Variants in MROH9 observed in about 807,000 individuals in gnomAD.
MROH9 encodes maestro heat-like repeat-containing protein family member 9.
Under a neutral mutation model 98.2 loss-of-function variants are expected in MROH9, and 92 were observed. The ratio of observed to expected loss-of-function variants is 0.94; its 90% CI spans 0.79 to 1.11. The LOEUF is 1.11. MROH9 is among the 50% of genes most tolerant of loss of function. The pLI, the probability that MROH9 is intolerant of heterozygous loss-of-function variation, is 0.00. For synonymous variants in MROH9, 397 were observed against 368.9 expected, an observed-to-expected ratio of 1.08 and a Z score of -0.87; for missense variants, 1,057 against 1,014.8, an observed-to-expected ratio of 1.04 and a Z score of -0.57.
chr1:171,012,062 A>G (rs1029744396), intron 15 of MROH9, among the ~76,000 whole-genome samples: 2 of 151,936 alleles, frequency 1.3e-5, no homozygotes, highest in African/African-American at 2.4e-5. Flanking sequence ...ACTTCCAACT[A>G]TAGTGTAAAT....
chr1:170,938,334 C>T (rs1648981731), intron 1 of MROH9, among the ~76,000 whole-genome samples: 1 of 152,164 alleles, frequency 6.6e-6, no homozygotes. Context: ...GTGAGTGGTG[C>T]AACTCTATTT....
chr1:170,987,491 C>T (rs1651187006), intron 10 of MROH9, among the ~76,000 whole-genome samples: 1 of 152,178 alleles, frequency 6.6e-6, no homozygotes, highest in African/African-American at 2.4e-5. Context: ...CTTTCCTCCA[C>T]AGTCTCTCTC....
At chr1:170,981,246 A>T (rs1255403600) in intron 8 of MROH9, among the ~76,000 whole-genome samples, 3 of 152,174 alleles carry the variant, frequency 2.0e-5, no homozygotes, top group Admixed American at 6.5e-5. Flanking sequence ...TTTAACCAGC[A>T]ATCCCATTGC....
At chr1:170,936,676 C>T (rs1251026909) in intron 1 of MROH9, among the ~76,000 whole-genome samples, 1 of 152,098 alleles carries the variant, frequency 6.6e-6, no homozygotes, top group Non-Finnish European at 1.5e-5. Flanking sequence ...TAGTTAATCT[C>T]CAAATAAAGT....
At chr1:170,988,808 A>G (rs1412975921) in intron 10 of MROH9, among the ~76,000 whole-genome samples, 1 of 152,208 alleles carries the variant, frequency 6.6e-6, no homozygotes, top group Non-Finnish European at 1.5e-5. Flanking sequence ...CATCATTTTT[A>G]TAACTGGACC....
intron 6 of MROH9, among the ~76,000 whole-genome samples, chr1:170,963,050 C>T (rs971496463): frequency 4.6e-5 from 7 of 151,888 alleles, no homozygotes; most frequent in African/African-American, 7.3e-5. Context: ...AAACAGACAA[C>T]CTACAGATTG....
intron 1 of MROH9, among the ~76,000 whole-genome samples, chr1:170,941,104 C>T (rs1649103774): frequency 6.6e-6 from 1 of 152,130 alleles, no homozygotes; most frequent in Non-Finnish European, 1.5e-5. Context: ...CTCCCTAGTT[C>T]CCTATTCTGA....
chr1:171,041,921 G>A (rs1653320080), intron 20 of MROH9, among the ~76,000 whole-genome samples: 1 of 151,902 alleles, frequency 6.6e-6, no homozygotes, highest in African/African-American at 2.4e-5. Context: ...ATATAAGCAT[G>A]CAATGTGAAA....
chr1:171,060,406 T>C (rs1372793092), intron 20 of MROH9, among the ~76,000 whole-genome samples: 1 of 152,184 alleles, frequency 6.6e-6, no homozygotes, highest in Non-Finnish European at 1.5e-5. Context: ...TCTCACTGGG[T>C]ATTTTGGGTG....
In MROH9 at chr1:171,024,449, G is replaced by T; in HGVS notation, c.1963G>T (p.Asp655Tyr). ...AIRHFGQLVR[D>Y]MRQYTWMVND... ...TCGACACTTTGGTCAATTAGTTAGGGATATGAGACAGTACACATGGATGGT... is the reference window on the plus strand; with the variant it reads ...TCGACACTTTGGTCAATTAGTTAGGTATATGAGACAGTACACATGGATGGT... Residue 655 changes from aspartate to tyrosine, a missense_variant, in exon 18 of 22, where the codon GAT becomes TAT. Transcript: ENST00000367759. The T allele has an allele frequency of 1.3e-6, 2 of 1,551,332 alleles. No homozygotes were observed. The highest frequency in any genetic ancestry group is 1.7e-6 in the Non-Finnish European group (2 of 1,146,864).
At chr1:170,988,773 A>G (rs912895725) in intron 10 of MROH9, among the ~76,000 whole-genome samples, 3 of 152,186 alleles carry the variant, frequency 2.0e-5, no homozygotes, top group Non-Finnish European at 2.9e-5. Context: ...AACACATCAA[A>G]TATTTCATCA....
At chr1:170,970,729 TGTGA>T (rs1444056283) in intron 7 of MROH9, among the ~76,000 whole-genome samples, 1,206 of 101,934 alleles carry the variant, frequency 0.012, 3 homozygotes, top group South Asian at 0.039. Flanking sequence ...TGTGTGTGTG[TGTGA>T]GAGAGAGAGA....
chr1:171,008,665 A>C (rs1652041755), intron 15 of MROH9, among the ~76,000 whole-genome samples: 2 of 152,242 alleles, frequency 1.3e-5, no homozygotes, highest in African/African-American at 4.8e-5. Flanking sequence ...CTGAGACAGA[A>C]GGATCACTTG....
At chr1:171,018,069 C>T (rs1426620525) in intron 17 of MROH9, among the ~76,000 whole-genome samples, 2 of 152,114 alleles carry the variant, frequency 1.3e-5, no homozygotes, top group Admixed American at 1.3e-4. Context: ...TTAAGTGGGT[C>T]CTGCTCCCCA....
intron 1 of MROH9, among the ~76,000 whole-genome samples, chr1:170,943,791 T>C (rs996399312): frequency 2.0e-5 from 3 of 151,972 alleles, no homozygotes; most frequent in Admixed American, 2.0e-4. Flanking sequence ...GTAACAGTTT[T>C]AATGTGAAAA....
Position 170,958,545 on chromosome 1 carries a change from G to T in MROH9, c.152+5G>T. On this transcript the variant is annotated splice_donor_5th_base_variant and intron_variant, in intron 4 of 21. Transcript: ENST00000367759. ...GATCCTGGCTGTGAACTCCAGGTAT[G>T]ATAAGCTATCATGCTCTTTTATTTC... is the stretch of plus-strand genomic sequence containing the variant. The T allele has an allele frequency of 6.4e-7, 1 of 1,567,052 alleles. No individual in the cohort carries two copies. The highest frequency in any genetic ancestry group is 1.2e-5 in the South Asian group (1 of 85,702).
intron 20 of MROH9, among the ~76,000 whole-genome samples, chr1:171,049,910 G>A (rs1361747776): frequency 6.6e-6 from 1 of 152,032 alleles, no homozygotes; most frequent in African/African-American, 2.4e-5. Context: ...TCAAACTCTT[G>A]GGCTCAAGCA....
chr1:171,050,212 A>G (rs79881429), intron 20 of MROH9, among the ~76,000 whole-genome samples: 3,850 of 152,220 alleles, frequency 0.025, 156 homozygotes, highest in African/African-American at 0.086. Flanking sequence ...ACCCAAGCCA[A>G]TGTCCAGAAG....
At chr1:170,956,009 G>C (rs1649743982) in intron 3 of MROH9, among the ~76,000 whole-genome samples, 1 of 152,138 alleles carries the variant, frequency 6.6e-6, no homozygotes, top group Admixed American at 6.5e-5. Context: ...AAGAGATGAG[G>C]ATCCAGTTTC....
Sources: allele counts gnomAD v4.1 joint callset (sites outside exome capture counted in the v4.1 genomes callset), GRCh38; gene constraint gnomAD v4.1.1; transcripts MANE v1.5; gene names NCBI Gene and HGNC (gene_info 2026-07-23, HGNC 2026-07-21).